ATP10A: variants seen among roughly 807,000 people sequenced by gnomAD.
The protein encoded by ATP10A is ATPase phospholipid transporting 10A (putative).
ATP10A carries 111 observed loss-of-function variants against 147.8 expected under a neutral mutation model. The observed-to-expected ratio is 0.75, with a 90% CI of 0.64 to 0.88. ATP10A has a LOEUF of 0.88. Among genes scored for constraint, ATP10A ranks in the 40% least tolerant of loss-of-function variants. The pLI, the probability that ATP10A is intolerant of heterozygous loss-of-function variation, is 0.00. For synonymous variants in ATP10A, 875 were observed against 841.6 expected (o/e 1.04, Z -0.69); for missense variants, 1,927 against 1,959.0 (o/e 0.98, Z 0.31).
intron 13 of ATP10A, 27 bp from the exon 14 acceptor site, chr15:25,695,173 A>G: frequency 6.3e-7 from 1 of 1,576,164 alleles, no homozygotes; most frequent in Non-Finnish European, 8.6e-7. Flanking sequence ...AGGACAGCGC[A>G]GTTCCCTCAG....
At chr15:25,694,544 C>T (rs1900206543) in intron 14 of ATP10A, among the ~76,000 whole-genome samples, 1 of 152,206 alleles carries the variant, frequency 6.6e-6, no homozygotes. Flanking sequence ...TGTGCTGTCT[C>T]CTGAGAAACA....
chr15:25,718,520 C>T, intron 7 of ATP10A, 121 bp from the exon 8 acceptor site: 2 of 996,850 alleles, frequency 2.0e-6, no homozygotes, highest in South Asian at 1.5e-5. Context: ...CAGGATTCAC[C>T]ACCCTTGCTC....
chr15:25,707,373 G>C (rs767155316), intron 12 of ATP10A, among the ~76,000 whole-genome samples: 5 of 151,908 alleles, frequency 3.3e-5, no homozygotes, highest in Non-Finnish European at 7.4e-5. Context: ...GCTCTTCAAG[G>C]ACACACAGAG....
intron 1 of ATP10A, among the ~76,000 whole-genome samples, chr15:25,844,477 G>C (rs1418233700): frequency 6.6e-6 from 1 of 152,174 alleles, no homozygotes; most frequent in Non-Finnish European, 1.5e-5. Context: ...TTAAAATAAA[G>C]GGATATTAAT....
intron 2 of ATP10A, among the ~76,000 whole-genome samples, chr15:25,755,412 G>C (rs1311452051): frequency 6.6e-6 from 1 of 152,118 alleles, no homozygotes; most frequent in Non-Finnish European, 1.5e-5. Context: ...CTACTTATGG[G>C]CCAGGCAATG....
At chr15:25,751,894 C>T (rs1888172414) in intron 2 of ATP10A, among the ~76,000 whole-genome samples, 1 of 151,454 alleles carries the variant, frequency 6.6e-6, no homozygotes, top group South Asian at 2.1e-4. Flanking sequence ...TACAAATGGC[C>T]AAAAGACATA....
At chr15:25,691,570 T>C in intron 15 of ATP10A, 145 bp downstream of exon 15, 1 of 732,056 alleles carries the variant, frequency 1.4e-6, no homozygotes, top group Non-Finnish European at 2.4e-6. Flanking sequence ...GCTTAGCAGC[T>C]GTATTGAGCA....
At chr15:25,777,584 C>T (rs555638993) in intron 2 of ATP10A, among the ~76,000 whole-genome samples, 1 of 152,010 alleles carries the variant, frequency 6.6e-6, no homozygotes, top group East Asian at 1.9e-4. Flanking sequence ...CAGTGGCTGT[C>T]CCTTCATCAG....
intron 1 of ATP10A, among the ~76,000 whole-genome samples, chr15:25,844,709 C>T (rs1241411295): frequency 2.6e-5 from 4 of 152,112 alleles, no homozygotes; most frequent in Non-Finnish European, 5.9e-5. Context: ...CTGCGGTGGG[C>T]GAGCAGTGAG....
At chr15:25,829,027 G>C (rs936194871) in intron 1 of ATP10A, among the ~76,000 whole-genome samples, 3 of 152,186 alleles carry the variant, frequency 2.0e-5, no homozygotes, top group Non-Finnish European at 4.4e-5. Context: ...CGAGAAAGGA[G>C]GGGGTAACAG....
chr15:25,685,764 C>T (rs1899677811), intron 16 of ATP10A, among the ~76,000 whole-genome samples: 1 of 149,450 alleles, frequency 6.7e-6, no homozygotes, highest in Non-Finnish European at 1.5e-5. Context: ...TTTGAGGATA[C>T]AGTAAGCTAG....
chr15:25,806,910 C>A (rs73366995), intron 1 of ATP10A, among the ~76,000 whole-genome samples: 2 of 152,180 alleles, frequency 1.3e-5, no homozygotes, highest in Non-Finnish European at 1.5e-5. Flanking sequence ...AACTCCTTCC[C>A]TTTCTCCAGA....
intron 2 of ATP10A, among the ~76,000 whole-genome samples, chr15:25,777,441 G>GC (rs1415857486): frequency 3.3e-5 from 5 of 152,040 alleles, no homozygotes; most frequent in African/African-American, 1.2e-4. Context: ...AAGGCTTCTA[G>GC]CAAGTTCCAC....
chr15:25,722,823 CCCTCGTCCTCTGGA>C (rs994056860), intron 6 of ATP10A, among the ~76,000 whole-genome samples: 17 of 152,264 alleles, frequency 1.1e-4, no homozygotes, highest in Admixed American at 8.5e-4. Context: ...CCCCACTGCC[CCCTCGTCCTCTGGA>C]CTCTGGGACC....
chr15:25,831,384 G>A (rs1434895742), intron 1 of ATP10A, among the ~76,000 whole-genome samples: 1 of 152,176 alleles, frequency 6.6e-6, no homozygotes, highest in Non-Finnish European at 1.5e-5. Flanking sequence ...ACATTTTCCT[G>A]GAGAATGCTG....
chr15:25,702,235 G>T, intron 12 of ATP10A, 135 bp from the exon 13 acceptor site: 1 of 884,810 alleles, frequency 1.1e-6, no homozygotes, highest in Non-Finnish European at 1.7e-6. Flanking sequence ...CCTTGCCAGG[G>T]GCTGGGCTGC....
At chr15:25,708,553 T>G (rs956609978) in intron 10 of ATP10A, 1 of 425,512 alleles carries the variant, frequency 2.4e-6, no homozygotes, top group Non-Finnish European at 4.2e-6. Context: ...ACTCCTGGAC[T>G]CAAATCATCC....
chr15:25,709,884 T>C (rs1901291978), intron 10 of ATP10A: 1 of 152,164 alleles, frequency 6.6e-6, no homozygotes, highest in South Asian at 2.1e-4. Flanking sequence ...GGGGCCCTTG[T>C]GGAGGCTGGA....
At chr15:25,850,505 G>A (rs1307663439) in intron 1 of ATP10A, among the ~76,000 whole-genome samples, 1 of 152,200 alleles carries the variant, frequency 6.6e-6, no homozygotes, top group Non-Finnish European at 1.5e-5. Flanking sequence ...AAAGGGATGT[G>A]GCCACACCCT....
Sources: gnomAD v4.1 joint callset for allele counts (sites outside exome capture counted in the v4.1 genomes callset) on GRCh38, gnomAD v4.1.1 for gene constraint, MANE v1.5 for transcripts, NCBI Gene and HGNC (gene_info 2026-07-23, HGNC 2026-07-21) for gene names.